NRIP1: variants seen among roughly 807,000 people sequenced by gnomAD.
NRIP1 encodes nuclear receptor-interacting protein 1.
A neutral mutation model predicts 75.0 loss-of-function variants in NRIP1; 28 were observed. The observed-to-expected ratio is 0.37, with a 90% CI of 0.28 to 0.51. The LOEUF (loss-of-function observed/expected upper bound fraction) is 0.51. NRIP1 is among the 20% of genes least tolerant of loss of function. The pLI, the probability that NRIP1 is intolerant of heterozygous loss-of-function variation, is 0.92. For synonymous variants in NRIP1, 526 were observed against 487.6 expected, an observed-to-expected ratio of 1.08 and a Z score of -1.04; for missense variants, 1,435 against 1,343.7, an observed-to-expected ratio of 1.07 and a Z score of -1.06.
chr21:15,044,502 G>A (rs568226321), intron 1 of NRIP1, among the ~76,000 whole-genome samples: 2 of 151,904 alleles, frequency 1.3e-5, no homozygotes, highest in South Asian at 4.2e-4. Context: ...TGATAAGGGA[G>A]GTACCATGCG....
chr21:14,997,257 T>C (rs1178205455), intron 3 of NRIP1, among the ~76,000 whole-genome samples: 1 of 152,236 alleles, frequency 6.6e-6, no homozygotes, highest in Non-Finnish European at 1.5e-5. Flanking sequence ...CCTTTTCTGC[T>C]CTTAACTCTC....
chr21:14,974,098 A>G (rs1223047661), intron 3 of NRIP1: 1 of 152,176 alleles, frequency 6.6e-6, no homozygotes, highest in Admixed American at 6.5e-5. Flanking sequence ...TTCATGAATA[A>G]TTTACACAAT....
intron 2 of NRIP1, among the ~76,000 whole-genome samples, chr21:15,041,589 T>G (rs2088956360): frequency 1.3e-5 from 2 of 152,302 alleles, no homozygotes; most frequent in South Asian, 4.1e-4. Context: ...AATTTGTCGA[T>G]TTAATCCTTC....
chr21:14,994,632 T>C (rs189766956), intron 3 of NRIP1, among the ~76,000 whole-genome samples: 6 of 152,314 alleles, frequency 3.9e-5, no homozygotes, highest in South Asian at 2.1e-4. Flanking sequence ...GTGAAAAACA[T>C]TGTTGTCAAC....
At chr21:14,968,835 C>T (rs2086831518) in intron 3 of NRIP1, among the ~76,000 whole-genome samples, 1 of 152,170 alleles carries the variant, frequency 6.6e-6, no homozygotes, top group South Asian at 2.1e-4. Flanking sequence ...TTCATAAGCA[C>T]CTTTCTGCAA....
chr21:15,002,475 C>A (rs1219115161), intron 3 of NRIP1: 2 of 151,698 alleles, frequency 1.3e-5, no homozygotes, highest in African/African-American at 4.8e-5. Flanking sequence ...CAAAATTAAA[C>A]ACACACACAC....
At chr21:14,985,528 C>T (rs140609239) in intron 3 of NRIP1, among the ~76,000 whole-genome samples, 227 of 152,234 alleles carry the variant, frequency 1.5e-3, no homozygotes, top group African/African-American at 5.1e-3. Flanking sequence ...GTGATCCACC[C>T]GCCTCGGCCC....
intron 3 of NRIP1, among the ~76,000 whole-genome samples, chr21:14,977,908 T>G (rs1600821827): frequency 1.3e-5 from 2 of 152,318 alleles, no homozygotes; most frequent in East Asian, 3.9e-4. Flanking sequence ...AGGAGTTTCT[T>G]GCTCTCTCCC....
At chr21:15,005,271 T>C (rs1160528074) in intron 3 of NRIP1, among the ~76,000 whole-genome samples, 1 of 152,214 alleles carries the variant, frequency 6.6e-6, no homozygotes, top group East Asian at 1.9e-4. Context: ...CATTTAGCTT[T>C]GTTCTTTACA....
intron 1 of NRIP1, among the ~76,000 whole-genome samples, chr21:15,058,760 CAT>C (rs756437919): frequency 4.1e-4 from 63 of 152,258 alleles, no homozygotes; most frequent in African/African-American, 1.1e-3. Flanking sequence ...AACATGTGCA[CAT>C]GTTATGAAGA....
intron 3 of NRIP1, among the ~76,000 whole-genome samples, chr21:14,994,265 C>T (rs186457235): frequency 4.6e-5 from 7 of 152,248 alleles, no homozygotes; most frequent in Non-Finnish European, 1.0e-4. Context: ...GCTGGGATTA[C>T]AGGGGTGCAC....
intron 2 of NRIP1, among the ~76,000 whole-genome samples, chr21:15,036,167 C>T (rs966252234): frequency 3.9e-5 from 6 of 152,084 alleles, no homozygotes; most frequent in African/African-American, 1.4e-4. Context: ...TTAACCTACA[C>T]TGGAAAAAAA....
At chr21:15,020,277 T>G (rs1234091957) in intron 2 of NRIP1, among the ~76,000 whole-genome samples, 2 of 152,190 alleles carry the variant, frequency 1.3e-5, no homozygotes, top group African/African-American at 4.8e-5. Context: ...TGGAACAGAA[T>G]AGAGTCCAGA....
chr21:14,992,063 G>A (rs1192481670), intron 3 of NRIP1, among the ~76,000 whole-genome samples: 1 of 152,060 alleles, frequency 6.6e-6, no homozygotes. Context: ...CTTTCAGACA[G>A]GTCTCACTCT....
intron 2 of NRIP1, among the ~76,000 whole-genome samples, chr21:15,024,574 GTGTGTGTGTGTGTGTGTGTGTGTC>G (rs1483010762): frequency 6.7e-6 from 1 of 150,330 alleles, no homozygotes; most frequent in Non-Finnish European, 1.5e-5. Context: ...CAGAGTGTGT[GTGTGTGTGTGTGTGTGTGTGTGTC>G]TGTGTGTGTG....
intron 1 of NRIP1, chr21:15,050,399 T>G (rs1475844690): frequency 4.0e-6 from 1 of 253,112 alleles, no homozygotes; most frequent in East Asian, 1.1e-4. Context: ...CTAAGTTCAC[T>G]GATTATGAGG....
At chr21:15,029,978 T>A (rs1236866597) in intron 2 of NRIP1, among the ~76,000 whole-genome samples, 1 of 152,190 alleles carries the variant, frequency 6.6e-6, no homozygotes, top group Non-Finnish European at 1.5e-5. Flanking sequence ...TATCCACCTG[T>A]AGAAACTCAC....
rs150157199 is a variant in NRIP1, at chr21:15,004,203, C to T, written c.-335+10141G>A. ...CCCCTCAAACAAATTTCTTAAGTGT[C>T]GCCCACAAAATCCAAAATATCAGTT... On this transcript the variant is annotated intron_variant, in intron 3 of 3. Transcript: ENST00000318948. Among the ~76,000 whole-genome samples, 43 of 152,216 alleles carry T rather than the reference C, an allele frequency of 2.8e-4. No individual in the cohort carries two copies. The East Asian group carries it at 7.4e-3, about 26-fold the overall frequency.
At chr21:15,035,199 G>C (rs2147283198) in intron 2 of NRIP1, among the ~76,000 whole-genome samples, 1 of 152,206 alleles carries the variant, frequency 6.6e-6, no homozygotes, top group East Asian at 1.9e-4. Context: ...AGAGGTAAAA[G>C]AGAAATATAC....
Sources: gnomAD v4.1 joint callset for allele counts (sites outside exome capture counted in the v4.1 genomes callset) on GRCh38, gnomAD v4.1.1 for gene constraint, MANE v1.5 for transcripts, NCBI Gene and HGNC (gene_info 2026-07-23, HGNC 2026-07-21) for gene names.